Variants in BTBD8 observed in about 807,000 individuals in gnomAD.
The protein encoded by BTBD8 is BTB/POZ domain-containing protein 8.
Under a neutral mutation model 162.9 loss-of-function variants are expected in BTBD8, and 110 were observed. The ratio of observed to expected loss-of-function variants is 0.68; its 90% CI spans 0.58 to 0.79. The LOEUF (loss-of-function observed/expected upper bound fraction) is 0.79. BTBD8 is among the 30% of genes least tolerant of loss of function. The pLI, the probability that BTBD8 is intolerant of heterozygous loss-of-function variation, is 0.00. For synonymous variants in BTBD8, 667 were observed against 716.1 expected, an observed-to-expected ratio of 0.93 and a Z score of 1.10; for missense variants, 1,905 against 2,085.4, an observed-to-expected ratio of 0.91 and a Z score of 1.68.
chr1:92,171,810 G>A (rs1263403093), intron 13 of BTBD8, among the ~76,000 whole-genome samples: 1 of 152,174 alleles, frequency 6.6e-6, no homozygotes, highest in East Asian at 1.9e-4. Context: ...AAGATTTTAG[G>A]CTAGGCATGG....
intron 3 of BTBD8, 114 bp from the exon 4 acceptor site, chr1:92,107,770 A>G (rs1355820377): frequency 9.0e-6 from 7 of 774,892 alleles, no homozygotes; most frequent in African/African-American, 3.5e-5. Flanking sequence ...TACCACTTAC[A>G]TATTCCAACT....
At chr1:92,123,776 CA>C (rs529220915) in intron 4 of BTBD8, among the ~76,000 whole-genome samples, 249 of 84,484 alleles carry the variant, frequency 2.9e-3, no homozygotes, top group African/African-American at 3.6e-3. Flanking sequence ...GACTCCGTCT[CA>C]AAAAAAAAAA....
intron 5 of BTBD8, among the ~76,000 whole-genome samples, chr1:92,136,046 T>C (rs1047521059): frequency 6.6e-6 from 1 of 152,178 alleles, no homozygotes. Flanking sequence ...AACATTTAGA[T>C]ATTTGACTTT....
chr1:92,098,366 T>C (rs543681181), intron 2 of BTBD8, among the ~76,000 whole-genome samples: 1 of 152,326 alleles, frequency 6.6e-6, no homozygotes, highest in South Asian at 2.1e-4. Context: ...TTGGCTATTA[T>C]GAATAAATCT....
At chr1:92,132,494 T>C (rs1321335208) in intron 5 of BTBD8, among the ~76,000 whole-genome samples, 1 of 152,214 alleles carries the variant, frequency 6.6e-6, no homozygotes, top group African/African-American at 2.4e-5. Flanking sequence ...TGTAATTTTC[T>C]GTCTTTAATT....
chr1:92,118,282 C>CTTTTT (rs3040583), intron 4 of BTBD8, among the ~76,000 whole-genome samples: 24 of 122,298 alleles, frequency 2.0e-4, no homozygotes, highest in African/African-American at 4.0e-4. Flanking sequence ...TTCAGACTTT[C>CTTTTT]TTTTTTTTTT....
Position 92,129,108 on chromosome 1 carries a change from A to T in BTBD8, c.663-579A>T, listed in dbSNP as rs147301118. Among the ~76,000 whole-genome samples the T allele has an allele frequency of 2.9e-3, 437 of 152,130 alleles. 5 individuals are homozygous for T. Among genetic ancestry groups the T allele is most frequent in the African/African-American group, 9.9e-3 (412 of 41,540 alleles). On this transcript the variant is annotated intron_variant, in intron 4 of 17. Coordinates refer to ENST00000636805, the MANE Select transcript of BTBD8 (RefSeq NM_001376131.1). The stretch of plus-strand genomic sequence containing the variant: ...GTACTTTGTCTTTAGCTACCTTTTT[A>T]TATTTAAAAAATTAAATATCAATTA...
intron 4 of BTBD8, chr1:92,126,087 A>G (rs1437402016): frequency 6.3e-5 from 31 of 491,814 alleles, no homozygotes; most frequent in South Asian, 3.8e-4. Context: ...TAAAGTGTCT[A>G]TTTTAGAGTC....
At chr1:92,108,432 A>G (rs1181694636) in intron 4 of BTBD8, among the ~76,000 whole-genome samples, 1 of 152,242 alleles carries the variant, frequency 6.6e-6, no homozygotes, top group Non-Finnish European at 1.5e-5. Context: ...TTTCTACATG[A>G]ATGACATGTA....
chr1:92,137,839 A>C (rs1270543899), intron 5 of BTBD8, among the ~76,000 whole-genome samples: 1 of 152,226 alleles, frequency 6.6e-6, no homozygotes, highest in Non-Finnish European at 1.5e-5. Context: ...TGTCAAATTC[A>C]AAATAAAATA....
intron 9 of BTBD8, among the ~76,000 whole-genome samples, chr1:92,155,962 AC>A (rs1214149047): frequency 6.6e-6 from 1 of 152,042 alleles, no homozygotes; most frequent in Non-Finnish European, 1.5e-5. Flanking sequence ...GGCTTCCAGG[AC>A]TATGTTGAAT....
At chr1:92,104,635 C>T (rs1295036039) in intron 3 of BTBD8, among the ~76,000 whole-genome samples, 2 of 152,168 alleles carry the variant, frequency 1.3e-5, no homozygotes, top group East Asian at 1.9e-4. Context: ...ACTGTTTTCT[C>T]CATCACTCCA....
In BTBD8 at chr1:92,080,625, T is replaced by C; in HGVS notation, c.54T>C (p.Ala18=). The C allele has an allele frequency of 6.2e-7, 1 of 1,613,872 alleles. No homozygotes were observed. The highest frequency in any genetic ancestry group is 8.5e-7 in the Non-Finnish European group (1 of 1,179,886). ...CCCCCATGGTACTTCTGGGGTCCGC[T>C]GGAGTTTGCAGTAAGGGGTTGCAAA... ...SAAPMVLLGS[A]GVCSKGLQRK... Residue 18 remains alanine, a synonymous_variant, in exon 1 of 18, where the codon GCT becomes GCC. Coordinates refer to ENST00000636805, the MANE Select transcript of BTBD8 (RefSeq NM_001376131.1).
intron 1 of BTBD8, among the ~76,000 whole-genome samples, chr1:92,082,851 A>G (rs1648056302): frequency 6.6e-6 from 1 of 152,162 alleles, no homozygotes; most frequent in Admixed American, 6.5e-5. Flanking sequence ...CAGTGGTAAA[A>G]AAAAAACACT....
intron 9 of BTBD8, among the ~76,000 whole-genome samples, chr1:92,149,739 G>A (rs1204436646): frequency 6.6e-6 from 1 of 152,162 alleles, no homozygotes; most frequent in East Asian, 1.9e-4. Context: ...AGCCAGATCT[G>A]TAACTGTTCT....
Position 92,080,365 on chromosome 1 carries a change from C to A in BTBD8, c.-207C>A, listed in dbSNP as rs1647960111. ...ACGCTCTTCCTGGGTCAAGAGCCGG[C>A]TCGGTTCTGGGATTCTGAGGCTCCC... On this transcript the variant is annotated 5_prime_UTR_variant, in exon 1 of 18. Transcript: ENST00000636805. 1 of 663,058 alleles carries A rather than the reference C, an allele frequency of 1.5e-6. No homozygotes were observed. Among genetic ancestry groups the A allele is most frequent in the East Asian group, 3.3e-5 (1 of 30,346 alleles). The allele number at this position is 663,058 out of a possible 1,614,324, so 41.1% of individuals were successfully genotyped here.
intron 9 of BTBD8, among the ~76,000 whole-genome samples, chr1:92,159,654 GTT>G (rs1037610822): frequency 6.6e-6 from 1 of 152,174 alleles, no homozygotes; most frequent in Non-Finnish European, 1.5e-5. Flanking sequence ...TTGAAGGACA[GTT>G]TTGCCAGGTT....
Position 92,080,623 on chromosome 1 carries a change from G to A in BTBD8, c.52G>A (p.Ala18Thr), listed in dbSNP as rs549563187. 8 of 1,613,926 alleles carry A rather than the reference G, an allele frequency of 5.0e-6. No homozygotes were observed. In the African/African-American group the frequency reaches 1.1e-4, roughly 22 times the overall value. The change falls in exon 1 of 18, where the codon GCT (alanine) becomes ACT (threonine). Residue 18 changes from alanine (A) to threonine (T), a missense_variant. Physicochemically the swap from Ala to Thr is moderately conservative, Grantham distance 58. Around this residue, in one of 3 missense-constraint regions of BTBD8, gnomAD observed 1,374 missense variants for 1,442.7 expected, o/e 0.95. Coordinates refer to ENST00000636805, the MANE Select transcript of BTBD8 (RefSeq NM_001376131.1). The stretch of plus-strand genomic sequence containing the variant: ...GGCCCCCATGGTACTTCTGGGGTCC[G>A]CTGGAGTTTGCAGTAAGGGGTTGCA... ...SAAPMVLLGS[A>T]GVCSKGLQRK...
chr1:92,147,642 AC>A lies in BTBD8; in HGVS notation c.1020-41del, dbSNP rs756585506. ...AAAATATTGACTATTATAATGAAAA[AC>A]ATCTTAATTTCTTTAACGTGGTATT... On this transcript the variant is annotated intron_variant, in intron 8 of 17. Coordinates refer to ENST00000636805, the MANE Select transcript of BTBD8 (RefSeq NM_001376131.1). 13 of 1,497,068 alleles carry A rather than the reference AC, an allele frequency of 8.7e-6. No individual in the cohort carries two copies. The South Asian group carries it at 1.2e-4, about 14-fold the overall frequency. 92.7% of individuals were successfully genotyped at this position (1,497,068 alleles called of 1,614,324 possible).
Sources: gnomAD v4.1 joint callset for allele counts (sites outside exome capture counted in the v4.1 genomes callset) on GRCh38, gnomAD v4.1.1 for gene constraint, gnomAD v4.1.1 regional missense constraint, MANE v1.5 for transcripts, NCBI Gene and HGNC (gene_info 2026-07-23, HGNC 2026-07-21) for gene names.